Variants in MTBP observed in about 807,000 individuals in gnomAD.
The protein encoded by MTBP is mdm2-binding protein.
In MTBP, 101 loss-of-function variants were observed where a neutral mutation model predicts 117.0. The ratio of observed to expected loss-of-function variants is 0.86; its 90% CI spans 0.73 to 1.02. The LOEUF (loss-of-function observed/expected upper bound fraction) is 1.02, where lower values mean the gene tolerates loss of function less well. Ranked by LOEUF, MTBP falls within the 50% of genes least tolerant of loss-of-function variation. The pLI is 0.00. For missense variants in MTBP, 970 were observed against 1,030.9 expected, an observed-to-expected ratio of 0.94 and a Z score of 0.81; for synonymous variants, 350 against 351.5, an observed-to-expected ratio of 1.00 and a Z score of 0.05.
intron 7 of MTBP, 137 bp from the exon 8 acceptor site, chr8:120,459,078 G>A (rs1428993106): frequency 2.9e-6 from 2 of 683,126 alleles, no homozygotes; most frequent in Non-Finnish European, 4.6e-6. Flanking sequence ...AATGTGAGAA[G>A]CACACTTTTG....
intron 11 of MTBP, among the ~76,000 whole-genome samples, chr8:120,479,075 T>C (rs1814012968): frequency 6.6e-6 from 1 of 152,142 alleles, no homozygotes. Context: ...CAATATCACA[T>C]TTTCTCACAA....
At chr8:120,505,209 C>T (rs902598320) in intron 15 of MTBP, among the ~76,000 whole-genome samples, 15 of 151,984 alleles carry the variant, frequency 9.9e-5, no homozygotes, top group African/African-American at 1.7e-4. Context: ...CTGTTCCCCA[C>T]GTCTCTCACT....
rs1377346482 is a variant in MTBP, at chr8:120,459,815, G to A, written c.882+466G>A. Among the ~76,000 whole-genome samples the A allele has an allele frequency of 3.3e-5, 5 of 152,262 alleles. No homozygotes were observed. In the East Asian group the frequency reaches 7.7e-4, roughly 23 times the overall value. On this transcript the variant is annotated intron_variant, in intron 8 of 21. Coordinates refer to ENST00000305949, the MANE Select transcript of MTBP (RefSeq NM_022045.5). Reference sequence around the variant, plus strand: ...CAAAGTTATGAGGATTAAATGAGGTGAGAGTTTAATATGTGACATAGTACC... The same window carrying A: ...CAAAGTTATGAGGATTAAATGAGGTAAGAGTTTAATATGTGACATAGTACC...
intron 1 of MTBP, 77 bp from the exon 2 acceptor site, chr8:120,446,355 TC>T (rs1181729334): frequency 4.7e-6 from 4 of 846,390 alleles, no homozygotes; most frequent in African/African-American, 3.3e-5. Context: ...GTCTTGAGAG[TC>T]TCTGATGGTG....
chr8:120,457,321 T>G (rs904697305), intron 7 of MTBP, among the ~76,000 whole-genome samples: 1 of 152,336 alleles, frequency 6.6e-6, no homozygotes, highest in East Asian at 1.9e-4. Flanking sequence ...GAAATAAGTG[T>G]TCATAGTAAT....
At chr8:120,462,314 G>T (rs1813597961) in intron 9 of MTBP, among the ~76,000 whole-genome samples, 1 of 152,194 alleles carries the variant, frequency 6.6e-6, no homozygotes, top group African/African-American at 2.4e-5. Flanking sequence ...TACACGATGT[G>T]TTAAAGATGT....
chr8:120,515,966 G>T lies in MTBP; in HGVS notation c.2021G>T (p.Gly674Val), dbSNP rs776417113. ...DDRKALERDG[G>V]FSELQSRLIR... Reference sequence around the variant, plus strand: ...CGAAAAGCTTTGGAAAGAGATGGAGGATTTTCTGAACTTCAGTCTCGTCTT... The same window carrying T: ...CGAAAAGCTTTGGAAAGAGATGGAGTATTTTCTGAACTTCAGTCTCGTCTT... The change falls in exon 18 of 22, where the codon GGA (glycine) becomes GTA (valine). Residue 674 changes from glycine to valine, a missense_variant. Gly to Val is a moderately radical substitution (Grantham distance 109). Transcript: ENST00000305949. 2.5e-6 allele frequency: 4 copies of T among 1,612,718 alleles called. No homozygotes were observed. The Admixed American group carries it at 5.0e-5, about 20-fold the overall frequency.
chr8:120,502,511 T>G lies in MTBP; in HGVS notation c.1629T>G (p.Pro543=), dbSNP rs1330761207. The change falls in exon 15 of 22, where the codon CCT becomes CCG. Residue 543 remains proline (P), a synonymous_variant. Transcript: ENST00000305949. The part of the protein sequence containing the change: ...NILNDFSPVE[P]NSSSLMETNP... ...CTTTAGATTTTAGTCCAGTGGAACC[T>G]AATTCCTCAAGTCTAATGGAAACCA... 1 of 1,599,350 alleles carries G rather than the reference T, an allele frequency of 6.3e-7. No homozygotes were observed. The highest frequency in any genetic ancestry group is 8.5e-7 in the Non-Finnish European group (1 of 1,174,460).
At chr8:120,510,166 G>A in intron 17 of MTBP, 137 bp downstream of exon 17, 1 of 535,682 alleles carries the variant, frequency 1.9e-6, no homozygotes, top group East Asian at 2.9e-5. Context: ...AAGCAAAGTA[G>A]TGCATACAAA....
chr8:120,446,112 C>T (rs948335372), intron 1 of MTBP, among the ~76,000 whole-genome samples: 1 of 152,158 alleles, frequency 6.6e-6, no homozygotes, highest in East Asian at 1.9e-4. Flanking sequence ...TCATTTGTTT[C>T]GATCAAACAG....
intron 15 of MTBP, among the ~76,000 whole-genome samples, chr8:120,505,866 A>T (rs1391775424): frequency 1.3e-5 from 2 of 152,152 alleles, no homozygotes; most frequent in Non-Finnish European, 2.9e-5. Context: ...GTCATAGAGT[A>T]GAAATAATAA....
chr8:120,489,155 C>T (rs1814286944), intron 12 of MTBP, among the ~76,000 whole-genome samples: 1 of 150,442 alleles, frequency 6.6e-6, no homozygotes, highest in Non-Finnish European at 1.5e-5. Flanking sequence ...TCTCCTGCCT[C>T]AGCCTCCCAA....
intron 13 of MTBP, among the ~76,000 whole-genome samples, chr8:120,495,386 TAGA>T (rs1365679268): frequency 6.6e-6 from 1 of 152,194 alleles, no homozygotes; most frequent in Non-Finnish European, 1.5e-5. Flanking sequence ...TCATTGTCTC[TAGA>T]AGGTTTACTC....
rs1339096620 is a variant in MTBP at position 120,506,867 on chromosome 8, T to C, written c.1883+6T>C. On this transcript the variant is annotated splice_donor_region_variant and intron_variant, in intron 16 of 21. Transcript: ENST00000305949. ...CCTTTACCGATTCAAAAGGGGTAGG[T>C]TATAAACTTATAATTTCCAGTTAAC... 6.4e-7 allele frequency: 1 copy of C among 1,562,128 alleles called. No homozygotes were observed.
At chr8:120,453,688 T>C (rs1472496208) in intron 4 of MTBP, among the ~76,000 whole-genome samples, 159 bp from the exon 5 acceptor site, 1 of 152,104 alleles carries the variant, frequency 6.6e-6, no homozygotes, top group East Asian at 1.9e-4. Context: ...AGTATTATAG[T>C]AGTACCTCCT....
At chr8:120,451,552 A>G (rs1223184953) in intron 4 of MTBP, 1 of 418,720 alleles carries the variant, frequency 2.4e-6, no homozygotes, top group Non-Finnish European at 4.3e-6. Flanking sequence ...TTTAATAAAC[A>G]TGTTCCTTTC....
At chr8:120,508,074 G>A (rs1814726391) in intron 16 of MTBP, among the ~76,000 whole-genome samples, 5 of 152,114 alleles carry the variant, frequency 3.3e-5, no homozygotes, top group Admixed American at 3.3e-4. Context: ...AAAATTTGAT[G>A]TGATTCTTCA....
At position 120,451,285 on chromosome 8, in the gene MTBP, G is replaced by A; in HGVS notation, c.388G>A (p.Glu130Lys). ...CLGAVECFEE[E>K]DSNSRESLSL... is the part of the protein sequence containing the mutation. Reference sequence around the variant, plus strand: ...GGGTGCTGTTGAGTGTTTTGAAGAAGAAGACAGTAATAGCAGGGAATCATT... The same window carrying A: ...GGGTGCTGTTGAGTGTTTTGAAGAAAAAGACAGTAATAGCAGGGAATCATT... Residue 130 changes from glutamate (E) to lysine (K), a missense_variant, in exon 4 of 22, where the codon GAA becomes AAA. By Grantham distance (56) the Glu-to-Lys change is moderately conservative. Transcript: ENST00000305949. 1.2e-6 allele frequency: 2 copies of A among 1,613,304 alleles called. No homozygotes were observed. The highest frequency in any genetic ancestry group is 1.3e-5 in the African/African-American group (1 of 75,024).
intron 16 of MTBP, 75 bp from the exon 17 acceptor site, chr8:120,509,859 C>T (rs1814764326): frequency 1.0e-6 from 1 of 988,112 alleles, no homozygotes; most frequent in Non-Finnish European, 1.5e-6. Flanking sequence ...AGATTTGTTT[C>T]ATTAGATACT....
Sources: allele counts gnomAD v4.1 joint callset (sites outside exome capture counted in the v4.1 genomes callset), GRCh38; gene constraint gnomAD v4.1.1; transcripts MANE v1.5; gene names NCBI Gene and HGNC (gene_info 2026-07-23, HGNC 2026-07-21).